LRRN1: variants seen among roughly 807,000 people sequenced by gnomAD.
LRRN1 encodes leucine-rich repeat neuronal protein 1.
In LRRN1, 14 loss-of-function variants were observed where a neutral mutation model predicts 45.8. That is an observed-to-expected ratio of 0.31 (90% CI 0.20 to 0.48). LRRN1 has a LOEUF of 0.48. LRRN1 is among the 20% of genes least tolerant of loss of function. The pLI, the probability that LRRN1 is intolerant of heterozygous loss-of-function variation, is 0.99. For missense variants in LRRN1, 789 were observed against 874.2 expected, an observed-to-expected ratio of 0.90 and a Z score of 1.23; for synonymous variants, 359 against 330.1, an observed-to-expected ratio of 1.09 and a Z score of -0.95.
chr3:3,806,143 C>G (rs1447257163), intron 1 of LRRN1, among the ~76,000 whole-genome samples: 1 of 152,088 alleles, frequency 6.6e-6, no homozygotes, highest in Non-Finnish European at 1.5e-5. Context: ...TGCTCAACAT[C>G]CTAAAATGCA....
chr3:3,828,771 A>G (rs1226437558), intron 1 of LRRN1, among the ~76,000 whole-genome samples: 1 of 152,216 alleles, frequency 6.6e-6, no homozygotes, highest in East Asian at 1.9e-4. Flanking sequence ...GATAAAGGAA[A>G]AAAATGAAGA....
At chr3:3,809,440 G>A (rs771377525) in intron 1 of LRRN1, among the ~76,000 whole-genome samples, 3 of 152,128 alleles carry the variant, frequency 2.0e-5, no homozygotes, top group South Asian at 2.1e-4. Context: ...CACTGCCCCC[G>A]GCCATGAAAA....
intron 1 of LRRN1, among the ~76,000 whole-genome samples, chr3:3,842,353 T>A (rs1475539584): frequency 1.3e-5 from 2 of 151,816 alleles, no homozygotes; most frequent in African/African-American, 4.8e-5. Flanking sequence ...AACACACTTA[T>A]ACAATCATTT....
chr3:3,839,197 G>A (rs1021921321), intron 1 of LRRN1, among the ~76,000 whole-genome samples: 5 of 152,104 alleles, frequency 3.3e-5, no homozygotes, highest in Non-Finnish European at 7.4e-5. Context: ...TAAGGTAAGA[G>A]TACAACCTCA....
chr3:3,844,024 AGTAT>A (rs1472791017), intron 1 of LRRN1, among the ~76,000 whole-genome samples: 1 of 151,986 alleles, frequency 6.6e-6, no homozygotes, highest in South Asian at 2.1e-4. Context: ...GTTCCTATTA[AGTAT>A]GTATGAGTGT....
In LRRN1 at chr3:3,826,382, A is replaced by T. The variant is rs568261625; in HGVS notation, c.-278-17982A>T. On this transcript the variant is annotated intron_variant, in intron 1 of 1. Coordinates refer to ENST00000319331, the MANE Select transcript of LRRN1 (RefSeq NM_020873.7). ...GTAAGAAAAATAAAATAGGATACAA[A>T]GTTACATGACTTGTTCAAGGTCGTC... 2.4e-4 allele frequency among the ~76,000 whole-genome samples: 37 copies of T among 152,306 alleles called. 1 individual carries two copies. Among genetic ancestry groups the T allele is most frequent in the Middle Eastern group, 3.4e-3 (1 of 294 alleles).
At chr3:3,835,323 A>G (rs1204845969) in intron 1 of LRRN1, among the ~76,000 whole-genome samples, 1 of 152,206 alleles carries the variant, frequency 6.6e-6, no homozygotes, top group Admixed American at 6.5e-5. Flanking sequence ...AAAGTGTTGA[A>G]TTTCTCATGT....
intron 1 of LRRN1, among the ~76,000 whole-genome samples, chr3:3,802,538 A>C (rs1423049519): frequency 6.6e-6 from 1 of 152,328 alleles, no homozygotes; most frequent in East Asian, 1.9e-4. Context: ...AACAGATGTT[A>C]GTCTGCTATT....
At chr3:3,806,139 A>G (rs1624616) in intron 1 of LRRN1, among the ~76,000 whole-genome samples, 91,706 of 151,998 alleles carry the variant, frequency 0.6, 29,893 homozygotes, top group Non-Finnish European at 0.74. Flanking sequence ...ATGCTGCTCA[A>G]CATCCTAAAA....
At chr3:3,836,356 C>A (rs1693512493) in intron 1 of LRRN1, among the ~76,000 whole-genome samples, 1 of 152,198 alleles carries the variant, frequency 6.6e-6, no homozygotes, top group African/African-American at 2.4e-5. Context: ...ATTCCCTCTA[C>A]CTCCAAGCCC....
At position 3,849,673 on chromosome 3, in the gene LRRN1, A is replaced by G. The variant is rs941031455; in HGVS notation, c.*2881A>G. ...AGGTTATTTTTGGAGCAGTTTCTTAAAACAGGCATTCCCTAACTTGCTCAT... is the reference window on the plus strand; with the variant it reads ...AGGTTATTTTTGGAGCAGTTTCTTAGAACAGGCATTCCCTAACTTGCTCAT... On this transcript the variant is annotated 3_prime_UTR_variant, in exon 2 of 2. Coordinates refer to ENST00000319331, the MANE Select transcript of LRRN1 (RefSeq NM_020873.7). Among the ~76,000 whole-genome samples, 1 of 152,206 alleles carries G rather than the reference A, an allele frequency of 6.6e-6. No homozygotes were observed. Among genetic ancestry groups the G allele is most frequent in the African/African-American group, 2.4e-5 (1 of 41,462 alleles).
In LRRN1 at chr3:3,849,471, T is replaced by A. The variant is rs1323612535; in HGVS notation, c.*2679T>A. On this transcript the variant is annotated 3_prime_UTR_variant, in exon 2 of 2. Transcript: ENST00000319331. ...CAAGTATTTTCTCATTTGTATTTAA[T>A]TTCATAAATTAGACAGCCAGTGAAA... Among the ~76,000 whole-genome samples, 1 of 152,090 alleles carries A rather than the reference T, an allele frequency of 6.6e-6. No individual in the cohort carries two copies. Among genetic ancestry groups the A allele is most frequent in the Non-Finnish European group, 1.5e-5 (1 of 68,030 alleles).
intron 1 of LRRN1, among the ~76,000 whole-genome samples, chr3:3,803,741 A>G (rs1306722200): frequency 6.6e-6 from 1 of 152,238 alleles, no homozygotes; most frequent in African/African-American, 2.4e-5. Flanking sequence ...TACAGAATAG[A>G]GATAAAAGTT....
chr3:3,846,252 T>C lies in LRRN1; in HGVS notation c.1611T>C (p.His537=), dbSNP rs1485097199. The change falls in exon 2 of 2, where the codon CAT becomes CAC. Residue 537 remains histidine, a synonymous_variant. Coordinates refer to ENST00000319331, the MANE Select transcript of LRRN1 (RefSeq NM_020873.7). This position sits in a 1 kb window ranked among gnomAD's most constrained non-coding sequence, Gnocchi z 5.7. ...TATACGTCAAGCAGACAGAATCCCA[T>C]TCCATCTTAGTGTCCTGGAAAGTTA... ...LKIYVKQTES[H]SILVSWKVNS... 1.2e-6 allele frequency: 2 copies of C among 1,614,062 alleles called. No homozygotes were observed. The highest frequency in any genetic ancestry group is 1.6e-4 in the Middle Eastern group (1 of 6,062).
chr3:3,836,225 T>C (rs558638115), intron 1 of LRRN1, among the ~76,000 whole-genome samples: 3 of 152,366 alleles, frequency 2.0e-5, no homozygotes, highest in East Asian at 1.9e-4. Context: ...ACATTAAATT[T>C]ACCATCTCTC....
chr3:3,813,930 C>G (rs1692933821), intron 1 of LRRN1, among the ~76,000 whole-genome samples: 1 of 152,046 alleles, frequency 6.6e-6, no homozygotes, highest in Admixed American at 6.5e-5. Flanking sequence ...CCTGCCATTG[C>G]TGGCCCTTAT....
At chr3:3,836,619 G>C (rs138387017) in intron 1 of LRRN1, among the ~76,000 whole-genome samples, 1 of 152,048 alleles carries the variant, frequency 6.6e-6, no homozygotes, top group Non-Finnish European at 1.5e-5. Flanking sequence ...ACAAGATCAC[G>C]GCCTGTGCTT....
intron 1 of LRRN1, among the ~76,000 whole-genome samples, chr3:3,820,150 A>G (rs966877659): frequency 6.6e-6 from 1 of 152,182 alleles, no homozygotes; most frequent in Non-Finnish European, 1.5e-5. Flanking sequence ...TTGCCCTGCT[A>G]GTTTTTAGAA....
At chr3:3,824,498 T>C (rs1164792200) in intron 1 of LRRN1, among the ~76,000 whole-genome samples, 2 of 150,902 alleles carry the variant, frequency 1.3e-5, no homozygotes, top group Non-Finnish European at 3.0e-5. Context: ...TACTGCCATG[T>C]TAAAAAAAAA....
Sources: allele counts gnomAD v4.1 joint callset (sites outside exome capture counted in the v4.1 genomes callset), GRCh38; gene constraint gnomAD v4.1.1; non-coding constraint Gnocchi (gnomAD v3.1); transcripts MANE v1.5; gene names NCBI Gene and HGNC (gene_info 2026-07-23, HGNC 2026-07-21).